Variants in TMEM132B observed in about 807,000 individuals in gnomAD.
TMEM132B encodes transmembrane protein 132B.
A neutral mutation model predicts 90.8 loss-of-function variants in TMEM132B; 18 were observed. That is an observed-to-expected ratio of 0.20 (90% CI 0.14 to 0.29). The LOEUF is 0.29. Among genes scored for constraint, TMEM132B ranks in the 10% least tolerant of loss-of-function variants. The pLI, the probability that TMEM132B is intolerant of heterozygous loss-of-function variation, is 1.00. For missense variants in TMEM132B, 1,096 were observed against 1,326.8 expected (o/e 0.83, Z 2.70); for synonymous variants, 504 against 523.3 (o/e 0.96, Z 0.50).
chr12:125,540,606 A>G (rs1175956313), intron 4 of TMEM132B, among the ~76,000 whole-genome samples: 1 of 152,210 alleles, frequency 6.6e-6, no homozygotes. Context: ...AATCTACTTT[A>G]TCTGATACTG....
At chr12:125,313,455 CTT>C in intron 1 of TMEM132B, among the ~76,000 whole-genome samples, 1 of 150,978 alleles carries the variant, frequency 6.6e-6, no homozygotes, top group African/African-American at 2.4e-5. Context: ...TCCTTCCTCC[CTT>C]CTTTCTCTCT....
Position 125,519,448 on chromosome 12 carries a change from A to G in TMEM132B, c.1116A>G (p.Gly372=), listed in dbSNP as rs1883248346. 6.2e-7 allele frequency: 1 copy of G among 1,606,600 alleles called. No homozygotes were observed. The highest frequency in any genetic ancestry group is 1.3e-5 in the African/African-American group (1 of 74,648). ...TGTGTTTGTTTTCCAGGGTAAATGG[A>G]TCCTTCTATGAGATCTTGCAAGTGG... is the stretch of plus-strand genomic sequence containing the variant. ...HRPDTQSRVN[G]SFYEILQVDF... The change falls in exon 4 of 9, where the codon GGA becomes GGG. Residue 372 remains glycine (G), a synonymous_variant. Transcript: ENST00000682704.
At chr12:125,242,678 A>G (rs1874099778) in intron 1 of TMEM132B, among the ~76,000 whole-genome samples, 1 of 152,180 alleles carries the variant, frequency 6.6e-6, no homozygotes, top group Non-Finnish European at 1.5e-5. Flanking sequence ...TGAGGATCAC[A>G]CTGGACAGTT....
chr12:125,536,389 G>GT (rs1336383166), intron 4 of TMEM132B, among the ~76,000 whole-genome samples: 4 of 152,288 alleles, frequency 2.6e-5, no homozygotes, highest in African/African-American at 4.8e-5. Flanking sequence ...TGATCATTCG[G>GT]TTTTTTGTAC....
At chr12:125,559,925 C>T (rs1158019633) in intron 4 of TMEM132B, among the ~76,000 whole-genome samples, 3 of 152,178 alleles carry the variant, frequency 2.0e-5, no homozygotes, top group Non-Finnish European at 4.4e-5. Context: ...TGGGCAGCTC[C>T]ACGTGTGATA....
intron 5 of TMEM132B, among the ~76,000 whole-genome samples, chr12:125,641,147 C>G (rs926408256): frequency 6.6e-6 from 1 of 152,146 alleles, no homozygotes; most frequent in Middle Eastern, 3.2e-3. Flanking sequence ...ATGCTCTGGT[C>G]TTTGTATGAG....
chr12:125,283,133 C>A (rs1159046905), intron 1 of TMEM132B, among the ~76,000 whole-genome samples: 1 of 152,258 alleles, frequency 6.6e-6, no homozygotes, highest in East Asian at 1.9e-4. Flanking sequence ...AACATGAGCC[C>A]CCTTTTACAA....
At chr12:125,245,691 G>A (rs1404969944) in intron 1 of TMEM132B, among the ~76,000 whole-genome samples, 2 of 143,548 alleles carry the variant, frequency 1.4e-5, no homozygotes, top group African/African-American at 4.9e-5. Context: ...GTCGGGGGAT[G>A]GGGGGGGACT....
intron 1 of TMEM132B, among the ~76,000 whole-genome samples, chr12:125,256,729 C>T (rs1006639948): frequency 4.6e-5 from 7 of 152,144 alleles, no homozygotes; most frequent in South Asian, 2.1e-4. Context: ...TTGCAAAAAC[C>T]GCAATTACTT....
chr12:125,264,865 G>A (rs903197407), intron 1 of TMEM132B, among the ~76,000 whole-genome samples: 4 of 152,100 alleles, frequency 2.6e-5, no homozygotes, highest in Admixed American at 1.3e-4. Flanking sequence ...CTTTCCTTAC[G>A]AAATTCATTT....
At chr12:125,397,422 T>C (rs1879198951) in intron 2 of TMEM132B, among the ~76,000 whole-genome samples, 2 of 152,228 alleles carry the variant, frequency 1.3e-5, no homozygotes, top group Admixed American at 1.3e-4. Context: ...TCAATCTTCT[T>C]TCCAAATCCT....
chr12:125,258,942 C>T (rs763081964), intron 1 of TMEM132B, among the ~76,000 whole-genome samples: 5 of 152,022 alleles, frequency 3.3e-5, no homozygotes, highest in Non-Finnish European at 4.4e-5. Context: ...ATCCAGGCAG[C>T]GGAGAGGCAT....
Position 125,658,541 on chromosome 12 carries a change from A to G in TMEM132B, c.*3831A>G, listed in dbSNP as rs530129878. 6.6e-6 allele frequency: 1 copy of G among 152,382 alleles called. No homozygotes were observed. Among genetic ancestry groups the G allele is most frequent in the African/African-American group, 2.4e-5 (1 of 41,594 alleles). 9.4% of individuals were successfully genotyped at this position (152,382 alleles called of 1,614,324 possible). A position where few individuals can be genotyped will look rare whatever the true frequency, so the allele number is the denominator to read the frequency against. ...GTAAATGACACAATAGATGGTTTAT[A>G]GACTCAGCAGCCCTCACCTTTTATT... On this transcript the variant is annotated 3_prime_UTR_variant, in exon 9 of 9. Transcript: ENST00000682704.
At chr12:125,464,593 G>A (rs1291255631) in intron 3 of TMEM132B, among the ~76,000 whole-genome samples, 1 of 152,178 alleles carries the variant, frequency 6.6e-6, no homozygotes, top group Admixed American at 6.5e-5. Flanking sequence ...CCCTGAGCAG[G>A]TGCTCAGTGA....
intron 3 of TMEM132B, among the ~76,000 whole-genome samples, chr12:125,470,961 C>T (rs576088280): frequency 3.3e-4 from 50 of 152,382 alleles, no homozygotes; most frequent in African/African-American, 1.0e-3. Context: ...GAAATTACCT[C>T]GACCTGACCA....
At chr12:125,256,202 T>C (rs960746520) in intron 1 of TMEM132B, among the ~76,000 whole-genome samples, 16 of 152,144 alleles carry the variant, frequency 1.1e-4, no homozygotes, top group Admixed American at 5.9e-4. Context: ...CTGACAGCCG[T>C]GCTGGAAAAC....
chr12:125,662,071 G>T lies in TMEM132B; in HGVS notation c.*7361G>T, dbSNP rs1191401282. Reference sequence around the variant, plus strand: ...AGCCCAGCCAGTAGTGTGCTTTGGGGTGATTGCAAGGCAGCAAACAGTGGG... The same window carrying T: ...AGCCCAGCCAGTAGTGTGCTTTGGGTTGATTGCAAGGCAGCAAACAGTGGG... On this transcript the variant is annotated 3_prime_UTR_variant, in exon 9 of 9. Transcript: ENST00000682704. 1 of 152,224 alleles carries T rather than the reference G, an allele frequency of 6.6e-6. No homozygotes were observed. The highest frequency in any genetic ancestry group is 1.5e-5 in the Non-Finnish European group (1 of 68,052). 9.4% of individuals were successfully genotyped at this position (152,224 alleles called of 1,614,324 possible). A position where few individuals can be genotyped will look rare whatever the true frequency, so the allele number is the denominator to read the frequency against.
chr12:125,626,296 A>T (rs1434693736), intron 5 of TMEM132B, among the ~76,000 whole-genome samples: 1 of 152,140 alleles, frequency 6.6e-6, no homozygotes, highest in Non-Finnish European at 1.5e-5. Flanking sequence ...GTTGATGGAC[A>T]CTGAGGTTGC....
At chr12:125,284,124 T>C (rs1245329315) in intron 1 of TMEM132B, among the ~76,000 whole-genome samples, 2 of 152,202 alleles carry the variant, frequency 1.3e-5, no homozygotes, top group African/African-American at 2.4e-5. Context: ...TTTCCTTCTA[T>C]GGTAGGTGAT....
Sources: gnomAD v4.1 joint callset for allele counts (sites outside exome capture counted in the v4.1 genomes callset) on GRCh38, gnomAD v4.1.1 for gene constraint, MANE v1.5 for transcripts, NCBI Gene and HGNC (gene_info 2026-07-23, HGNC 2026-07-21) for gene names.